The following TRAPPC10 variants were observed in gnomAD, a reference collection of about 807,000 sequenced individuals.
TRAPPC10 encodes TRAPP 130 kDa subunit.
In TRAPPC10, 23 loss-of-function variants were observed where a neutral mutation model predicts 125.5. The ratio of observed to expected loss-of-function variants is 0.18; its 90% confidence interval spans 0.13 to 0.26. The LOEUF is 0.26. Among genes scored for constraint, TRAPPC10 ranks in the 10% least tolerant of loss-of-function variants. The pLI is 1.00. For missense variants in TRAPPC10, 1,123 were observed against 1,308.4 expected, an observed-to-expected ratio of 0.86 and a Z score of 2.19; for synonymous variants, 509 against 518.0, an observed-to-expected ratio of 0.98 and a Z score of 0.24.
chr21:44,023,120 C>T (rs1207824408), intron 1 of TRAPPC10, among the ~76,000 whole-genome samples: 2 of 149,254 alleles, frequency 1.3e-5, no homozygotes, highest in Non-Finnish European at 3.0e-5. Context: ...GCAAGTTCCA[C>T]CTCCCGGGTT....
chr21:44,079,961 C>T (rs2146077942), intron 12 of TRAPPC10, 54 bp from the exon 13 acceptor site: 2 of 1,479,982 alleles, frequency 1.4e-6, no homozygotes, highest in Non-Finnish European at 1.9e-6. Flanking sequence ...GCATCCACTT[C>T]CCCCCGCACT....
At chr21:44,079,280 G>T (rs981810347) in intron 11 of TRAPPC10, among the ~76,000 whole-genome samples, 1 of 152,152 alleles carries the variant, frequency 6.6e-6, no homozygotes, top group African/African-American at 2.4e-5. Context: ...CTGAGATTCA[G>T]CTATGAAAGT....
chr21:44,060,435 C>T (rs1023484816), intron 6 of TRAPPC10, among the ~76,000 whole-genome samples: 1 of 151,988 alleles, frequency 6.6e-6, no homozygotes, highest in Admixed American at 6.6e-5. Flanking sequence ...CGCCTGCCAC[C>T]ACGCCTGGCT....
chr21:44,012,696 C>T, intron 1 of TRAPPC10, 136 bp downstream of exon 1: 3 of 723,508 alleles, frequency 4.1e-6, no homozygotes, highest in Non-Finnish European at 6.4e-6. Context: ...GTGACCAGGG[C>T]TGCGGCTGAG....
intron 8 of TRAPPC10, 98 bp from the exon 9 acceptor site, chr21:44,074,941 C>T: frequency 2.2e-6 from 2 of 916,714 alleles, no homozygotes; most frequent in Admixed American, 5.1e-5. Flanking sequence ...TAAATTTCTT[C>T]TAGAATTTAG....
At chr21:44,020,151 C>T (rs375621716) in intron 1 of TRAPPC10, among the ~76,000 whole-genome samples, 16 of 147,606 alleles carry the variant, frequency 1.1e-4, no homozygotes, top group Non-Finnish European at 1.6e-4. Context: ...GACAGAGTCT[C>T]GCTCTATTGC....
intron 7 of TRAPPC10, among the ~76,000 whole-genome samples, chr21:44,069,464 A>G (rs2036693477): frequency 6.6e-6 from 1 of 152,210 alleles, no homozygotes; most frequent in Non-Finnish European, 1.5e-5. Context: ...AAGTACCAGC[A>G]CACACCACCA....
Position 44,090,026 on chromosome 21 carries a change from C to G in TRAPPC10, c.2870+93C>G, listed in dbSNP as rs188689031. On this transcript the variant is annotated intron_variant, in intron 18 of 22. Transcript: ENST00000291574. The stretch of plus-strand genomic sequence containing the variant: ...GTTCAAAACTGGCCTTCGTGGTGAC[C>G]AAGGATGTCTTCTTATGTGACCACA... 38 of 915,130 alleles carry G rather than the reference C, an allele frequency of 4.2e-5. No individual in the cohort carries two copies. The African/African-American group carries it at 5.6e-4, about 13-fold the overall frequency. 56.7% of individuals were successfully genotyped at this position (915,130 alleles called of 1,614,324 possible). A position where few individuals can be genotyped will look rare whatever the true frequency, so the allele number is the denominator to read the frequency against.
rs147862875 is a variant in TRAPPC10, at chr21:44,021,854, G to A, written c.67+9294G>A. Among the ~76,000 whole-genome samples, 425 of 152,284 alleles carry A rather than the reference G, an allele frequency of 2.8e-3. 2 individuals carry two copies. Among genetic ancestry groups the A allele is most frequent in the African/African-American group, 0.01 (416 of 41,548 alleles). Reference sequence around the variant, plus strand: ...AACAGCAAGGAAGTGGCTGTCTGCAGTCTGTAACACAGGCCTCACCAGAAA... The same window carrying A: ...AACAGCAAGGAAGTGGCTGTCTGCAATCTGTAACACAGGCCTCACCAGAAA... On this transcript the variant is annotated intron_variant, in intron 1 of 22. Coordinates refer to ENST00000291574, the MANE Select transcript of TRAPPC10 (RefSeq NM_003274.5).
At chr21:44,101,020 G>T (rs79263482) in intron 21 of TRAPPC10, among the ~76,000 whole-genome samples, 6,368 of 71,416 alleles carry the variant, frequency 0.089, 1,925 homozygotes, top group African/African-American at 0.18. Context: ...GCTGGGCGTG[G>T]TGGCAGGCGC....
chr21:44,049,703 G>T (rs981167517), intron 3 of TRAPPC10, among the ~76,000 whole-genome samples: 2 of 152,062 alleles, frequency 1.3e-5, no homozygotes, highest in African/African-American at 4.8e-5. Context: ...CTGAGCTCTG[G>T]TACCTGGGGC....
intron 2 of TRAPPC10, among the ~76,000 whole-genome samples, 193 bp from the exon 3 acceptor site, chr21:44,037,599 T>G (rs529106272): frequency 6.6e-6 from 1 of 152,202 alleles, no homozygotes; most frequent in Non-Finnish European, 1.5e-5. Context: ...AATGGAGCTT[T>G]GACCTGTACA....
intron 7 of TRAPPC10, among the ~76,000 whole-genome samples, chr21:44,069,220 T>G (rs2036676722): frequency 6.6e-6 from 1 of 152,136 alleles, no homozygotes; most frequent in African/African-American, 2.4e-5. Flanking sequence ...TGAAAGGTAC[T>G]CTGAAGGGAG....
At chr21:44,029,624 CAG>C (rs1161576222) in intron 1 of TRAPPC10, among the ~76,000 whole-genome samples, 3 of 152,182 alleles carry the variant, frequency 2.0e-5, no homozygotes, top group African/African-American at 7.2e-5. Context: ...GCTGCCGCCA[CAG>C]AGTCACACAG....
intron 1 of TRAPPC10, among the ~76,000 whole-genome samples, chr21:44,018,427 G>C (rs937963808): frequency 2.0e-5 from 3 of 152,008 alleles, no homozygotes; most frequent in African/African-American, 4.8e-5. Flanking sequence ...AAGGCTGGGC[G>C]CAGTGACTCA....
chr21:44,036,129 G>T (rs1264103633), intron 2 of TRAPPC10, among the ~76,000 whole-genome samples: 1 of 152,170 alleles, frequency 6.6e-6, no homozygotes, highest in Non-Finnish European at 1.5e-5. Context: ...AGGGAGTTGG[G>T]ATACTGCAGG....
chr21:44,038,084 C>T lies in TRAPPC10; in HGVS notation c.285+157C>T, dbSNP rs947043330. Among the ~76,000 whole-genome samples, 16 of 151,834 alleles carry T rather than the reference C, an allele frequency of 1.1e-4. No individual in the cohort carries two copies. In the South Asian group the frequency reaches 2.3e-3, roughly 22 times the overall value. ...TGAGTACCAGTGGGGGAAGAGGACGCGCGGTGGGATGGGGTTGGAAAGGTG... is the reference window on the plus strand; with the variant it reads ...TGAGTACCAGTGGGGGAAGAGGACGTGCGGTGGGATGGGGTTGGAAAGGTG... On this transcript the variant is annotated intron_variant, in intron 3 of 22. Transcript: ENST00000291574.
chr21:44,058,704 G>A (rs2035798216), intron 5 of TRAPPC10, among the ~76,000 whole-genome samples: 1 of 152,170 alleles, frequency 6.6e-6, no homozygotes, highest in Non-Finnish European at 1.5e-5. Flanking sequence ...AGTGTAGACA[G>A]GGAAGTCCAA....
chr21:44,049,171 C>G (rs995685217), intron 3 of TRAPPC10, among the ~76,000 whole-genome samples: 5 of 152,098 alleles, frequency 3.3e-5, no homozygotes, highest in Admixed American at 6.5e-5. Flanking sequence ...GTGTGTACAC[C>G]CACACGTGTA....
Sources: allele counts gnomAD v4.1 joint callset (sites outside exome capture counted in the v4.1 genomes callset), GRCh38; gene constraint gnomAD v4.1.1; transcripts MANE v1.5; gene names NCBI Gene and HGNC (gene_info 2026-07-23, HGNC 2026-07-21).